The following WEE2 variants were observed in gnomAD, a reference collection of about 807,000 sequenced individuals.
The protein encoded by WEE2 is wee1-like protein kinase 2.
In WEE2, 50 loss-of-function variants were observed where a neutral mutation model predicts 60.1. The ratio of observed to expected loss-of-function variants is 0.83; its 90% CI spans 0.66 to 1.05. The LOEUF is 1.05. Ranked by LOEUF, WEE2 falls within the 50% of genes least tolerant of loss-of-function variation. The pLI is 0.00. For synonymous variants in WEE2, 240 were observed against 241.0 expected (o/e 1.00, Z 0.04); for missense variants, 631 against 684.3 (o/e 0.92, Z 0.87).
chr7:141,718,688 G>A (rs60521441), intron 3 of WEE2, among the ~76,000 whole-genome samples: 2,137 of 152,196 alleles, frequency 0.014, 54 homozygotes, highest in African/African-American at 0.049. Flanking sequence ...ATAAAGAAGG[G>A]GGGTCTTTCA....
intron 3 of WEE2, among the ~76,000 whole-genome samples, chr7:141,718,612 G>C (rs545146575): frequency 1.3e-5 from 2 of 152,128 alleles, no homozygotes; most frequent in East Asian, 3.9e-4. Flanking sequence ...TTTGGGAAAA[G>C]AAACAGAAAA....
At chr7:141,713,549 T>C (rs1349656341) in intron 1 of WEE2, among the ~76,000 whole-genome samples, 1 of 152,236 alleles carries the variant, frequency 6.6e-6, no homozygotes, top group East Asian at 1.9e-4. Flanking sequence ...GATCTGAATC[T>C]TAAGGGCTTA....
rs368318231 is a variant in WEE2 at position 141,723,090 on chromosome 7, A to G, written c.881-44A>G. The stretch of plus-strand genomic sequence containing the variant: ...AATTGTATTTACTATGCTTTCATCT[A>G]TAAGACTCATACTGTGGGGCTGTTC... On this transcript the variant is annotated intron_variant, in intron 5 of 11. Coordinates refer to ENST00000397541, the MANE Select transcript of WEE2 (RefSeq NM_001105558.1). 9.1e-5 allele frequency: 146 copies of G among 1,610,246 alleles called. No individual in the cohort carries two copies. The African/African-American group carries it at 1.4e-3, about 15-fold the overall frequency.
At position 141,725,096 on chromosome 7, in the gene WEE2, A is replaced by G; in HGVS notation, c.1292A>G (p.Glu431Gly). 1 of 1,614,228 alleles carries G rather than the reference A, an allele frequency of 6.2e-7. No individual in the cohort carries two copies. Among genetic ancestry groups the G allele is most frequent in the South Asian group, 1.1e-5 (1 of 91,088 alleles). The change falls in exon 9 of 12, where the codon GAG becomes GGG. Residue 431 changes from glutamate (E) to glycine (G), a missense_variant. Glu to Gly is a moderately conservative substitution (Grantham distance 98, BLOSUM62 -2). Transcript: ENST00000397541. The stretch of plus-strand genomic sequence containing the variant: ...ACAATTGCAGTGGCTGCAGGAGCAG[A>G]GTCATTGCCCACCAATGGTGCTGCA... ...GLTIAVAAGA[E>G]SLPTNGAAWH... is the part of the protein sequence containing the mutation.
intron 5 of WEE2, 106 bp downstream of exon 5, chr7:141,721,162 A>G: frequency 1.4e-6 from 2 of 1,387,484 alleles, no homozygotes; most frequent in Non-Finnish European, 2.0e-6. Flanking sequence ...GATAGCAGAT[A>G]TACCTAAAAA....
intron 6 of WEE2, 95 bp from the exon 7 acceptor site, chr7:141,723,841 AGAAAG>A (rs1308836219): frequency 3.1e-5 from 24 of 783,076 alleles, no homozygotes; most frequent in Non-Finnish European, 3.6e-5. Context: ...ACACAAAAGA[AGAAAG>A]GAGAGAAGCT....
At chr7:141,721,634 A>G (rs1246410970) in intron 5 of WEE2, among the ~76,000 whole-genome samples, 2 of 150,160 alleles carry the variant, frequency 1.3e-5, no homozygotes, top group Admixed American at 6.6e-5. Flanking sequence ...AATTTTTTGT[A>G]TTTTTTTTTA....
intron 3 of WEE2, among the ~76,000 whole-genome samples, chr7:141,717,188 T>A (rs1328747984): frequency 6.6e-6 from 1 of 152,230 alleles, no homozygotes; most frequent in Non-Finnish European, 1.5e-5. Flanking sequence ...AATGGAGCTA[T>A]AACCACTGCT....
At chr7:141,712,793 G>C (rs1005157327) in intron 1 of WEE2, among the ~76,000 whole-genome samples, 1 of 152,172 alleles carries the variant, frequency 6.6e-6, no homozygotes, top group Non-Finnish European at 1.5e-5. Flanking sequence ...TGTTTCATAT[G>C]TAATAGATGT....
chr7:141,714,056 G>A (rs1798752028), intron 1 of WEE2, 153 bp from the exon 2 acceptor site: 1 of 580,876 alleles, frequency 1.7e-6, no homozygotes, highest in Non-Finnish European at 3.0e-6. Flanking sequence ...TTCATAAGAG[G>A]AGCAGTTACA....
Position 141,725,112 on chromosome 7 carries a change from T to C in WEE2, c.1308T>C (p.Asn436=). The part of the protein sequence containing the change: ...VAAGAESLPT[N]GAAWHHIRKG... ...CAGGAGCAGAGTCATTGCCCACCAA[T>C]GGTGCTGCATGGCACCATATCCGCA... Residue 436 remains asparagine, a synonymous_variant, in exon 9 of 12, where the codon AAT becomes AAC. Transcript: ENST00000397541. 1 of 1,614,204 alleles carries C rather than the reference T, an allele frequency of 6.2e-7. No homozygotes were observed. Among genetic ancestry groups the C allele is most frequent in the East Asian group, 2.2e-5 (1 of 44,872 alleles).
Position 141,729,568 on chromosome 7 carries a change from G to T in WEE2, c.1573G>T (p.Gly525Ter). The T allele has an allele frequency of 2.5e-6, 4 of 1,614,152 alleles. No individual in the cohort carries two copies. Among genetic ancestry groups the T allele is most frequent in the Non-Finnish European group, 3.4e-6 (4 of 1,180,034 alleles). Reference sequence around the variant, plus strand: ...AGCCCAGCAGGCCCAGTCACCCCAGGGATATACCCATCATGGTGACACTGG... The same window carrying T: ...AGCCCAGCAGGCCCAGTCACCCCAGTGATATACCCATCATGGTGACACTGG... ...REAQQAQSPQ[G>*]YTHHGDTGVS... The change falls in exon 11 of 12, where the codon GGA becomes TGA. Residue 525 changes from glycine to a stop codon, truncating the protein, a stop_gained. Transcript: ENST00000397541. LOFTEE classifies it high-confidence loss of function.
At position 141,708,480 on chromosome 7, in the gene WEE2, G is replaced by T; in HGVS notation, c.-279G>T. On this transcript the variant is annotated 5_prime_UTR_variant, in exon 1 of 12. The change creates a premature stop within an existing upstream ORF in the 5' untranslated region. Transcript: ENST00000397541. The stretch of plus-strand genomic sequence containing the variant: ...CATGGGAGACTATGTGTCATATCCA[G>T]AAGAGTTCTGTACATGAACTGCATT... 1 of 459,050 alleles carries T rather than the reference G, an allele frequency of 2.2e-6. No individual in the cohort carries two copies. 28.4% of individuals were successfully genotyped at this position (459,050 alleles called of 1,614,324 possible). A position where few individuals can be genotyped will look rare whatever the true frequency, so the allele number is the denominator to read the frequency against.
rs972016991 is a variant in WEE2 at position 141,711,347 on chromosome 7, G to C, written c.342+2247G>C. Among the ~76,000 whole-genome samples, 1 of 152,198 alleles carries C rather than the reference G, an allele frequency of 6.6e-6. No individual in the cohort carries two copies. Among genetic ancestry groups the C allele is most frequent in the South Asian group, 2.1e-4 (1 of 4,834 alleles). On this transcript the variant is annotated intron_variant, in intron 1 of 11. Coordinates refer to ENST00000397541, the MANE Select transcript of WEE2 (RefSeq NM_001105558.1). The surrounding 1 kb of genome is among the most constrained non-coding windows in gnomAD (Gnocchi z 4.2). Reference sequence around the variant, plus strand: ...AATCTTGGATAATGCATTTAAGGGAGAGGCAGAGAACAGGGCTTGGGAGCA... The same window carrying C: ...AATCTTGGATAATGCATTTAAGGGACAGGCAGAGAACAGGGCTTGGGAGCA...
intron 5 of WEE2, among the ~76,000 whole-genome samples, chr7:141,722,791 T>A (rs1406816314): frequency 6.6e-6 from 1 of 152,212 alleles, no homozygotes; most frequent in Non-Finnish European, 1.5e-5. Flanking sequence ...CATATTTGAA[T>A]CAATGGGGCC....
chr7:141,708,634 G>A lies in WEE2; in HGVS notation c.-125G>A. ...TGTTTTGTAGCTGTTAGTTGGTAGA[G>A]GGAAATTCAGGCTACCGTCGCGAAA... On this transcript the variant is annotated 5_prime_UTR_variant, in exon 1 of 12. Transcript: ENST00000397541. 1 of 770,380 alleles carries A rather than the reference G, an allele frequency of 1.3e-6. No individual in the cohort carries two copies. The highest frequency in any genetic ancestry group is 2.1e-6 in the Non-Finnish European group (1 of 466,980). 47.7% of individuals were successfully genotyped at this position (770,380 alleles called of 1,614,324 possible). A position where few individuals can be genotyped will look rare whatever the true frequency, so the allele number is the denominator to read the frequency against.
At position 141,725,194 on chromosome 7, in the gene WEE2, A is replaced by T. The variant is rs926566964; in HGVS notation, c.1390A>T (p.Lys464Ter). ...CTCAGAAAGCTTTTCCAGTCTGCTC[A>T]AGGTGATAGCTCTTACGAGATGAAC... ...ELSESFSSLL[K>*]NMIQPDAEQR... The change falls in exon 9 of 12, where the codon AAG becomes TAG. Residue 464 changes from lysine (K) to a stop codon, truncating the protein, a stop_gained and splice_region_variant. Transcript: ENST00000397541. LOFTEE classifies it high-confidence loss of function. 4 of 1,613,554 alleles carry T rather than the reference A, an allele frequency of 2.5e-6. No homozygotes were observed. The highest frequency in any genetic ancestry group is 3.4e-6 in the Non-Finnish European group (4 of 1,179,754).
At chr7:141,713,405 C>T (rs1798740203) in intron 1 of WEE2, among the ~76,000 whole-genome samples, 1 of 152,122 alleles carries the variant, frequency 6.6e-6, no homozygotes, top group Admixed American at 6.6e-5. Context: ...CCTTGGAATT[C>T]TTTGGCTTTT....
intron 10 of WEE2, among the ~76,000 whole-genome samples, chr7:141,728,970 G>A (rs1300419490): frequency 2.0e-5 from 3 of 152,138 alleles, no homozygotes; most frequent in South Asian, 2.1e-4. Flanking sequence ...TGTCTTCCTC[G>A]AAATCAGTCC....
Sources: allele counts gnomAD v4.1 joint callset (sites outside exome capture counted in the v4.1 genomes callset), GRCh38; gene constraint gnomAD v4.1.1; non-coding constraint Gnocchi (gnomAD v3.1); transcripts MANE v1.5; gene names NCBI Gene and HGNC (gene_info 2026-07-23, HGNC 2026-07-21).